The following CXorf38 variants were observed in gnomAD, a reference collection of about 807,000 sequenced individuals.
The protein encoded by CXorf38 is uncharacterized protein CXorf38.
In CXorf38, 13 loss-of-function variants were observed where a neutral mutation model predicts 27.5. That is an observed-to-expected ratio of 0.47 (90% CI 0.31 to 0.75). The LOEUF is 0.75. Ranked by LOEUF, CXorf38 falls within the 30% of genes least tolerant of loss-of-function variation. The probability of loss-of-function intolerance (pLI) is 0.05; values close to 1 mark genes in which losing one functional copy is unlikely to be tolerated. For missense variants in CXorf38, 240 were observed against 253.2 expected (o/e 0.95, Z 0.35); for synonymous variants, 100 against 99.8 (o/e 1.00, Z -0.01).
At chrX:40,634,936 C>T (rs1418277417) in intron 5 of CXorf38, among the ~76,000 whole-genome samples, 1 of 112,152 alleles carries the variant, frequency 8.9e-6, no homozygotes, top group African/African-American at 3.2e-5. Flanking sequence ...GGGTTCAAAA[C>T]GTACAGCTGC....
At chrX:40,645,869 T>C (rs185684958) in intron 2 of CXorf38, among the ~76,000 whole-genome samples, 10 of 107,323 alleles carry the variant, frequency 9.3e-5, no homozygotes, top group Non-Finnish European at 1.7e-4. Context: ...CCTCCCACCT[T>C]GGCCTCCCAA....
At chrX:40,632,953 T>C (rs1435674814) in intron 5 of CXorf38, among the ~76,000 whole-genome samples, 1 of 112,187 alleles carries the variant, frequency 8.9e-6, no homozygotes, top group African/African-American at 3.2e-5. Context: ...GTCTACTACA[T>C]GCTGGTCTAC....
intron 5 of CXorf38, among the ~76,000 whole-genome samples, chrX:40,632,344 G>A (rs1927859483): frequency 8.9e-6 from 1 of 111,958 alleles, no homozygotes. Flanking sequence ...CAGACTCTCA[G>A]GACTGATGTG....
chrX:40,629,220 T>G lies in CXorf38; in HGVS notation c.*944A>C, dbSNP rs1281218781. 9.0e-6 allele frequency: 1 copy of G among 110,831 alleles called. No individual in the cohort carries two copies. Among genetic ancestry groups the G allele is most frequent in the Non-Finnish European group, 1.9e-5 (1 of 52,977 alleles). 9.1% of individuals were successfully genotyped at this position (110,831 alleles called of 1,213,427 possible). A position where few individuals can be genotyped will look rare whatever the true frequency, so the allele number is the denominator to read the frequency against. ...TTGTAGAGATGGGGTCTCGCCATCT[T>G]GCCCAGGTTGGTCTCAAACTCCTGG... On this transcript the variant is annotated 3_prime_UTR_variant, in exon 7 of 7. Coordinates refer to ENST00000327877, the MANE Select transcript of CXorf38 (RefSeq NM_144970.3).
rs752914097 is a variant in CXorf38 at position 40,633,519 on chromosome X, TAGTATCTGTCTCCCAGATACTAAAC to T, written c.802-2771_802-2747del. Among the ~76,000 whole-genome samples, 6 of 111,764 alleles carry T rather than the reference TAGTATCTGTCTCCCAGATACTAAAC, an allele frequency of 5.4e-5. No individual in the cohort carries two copies. The East Asian group carries it at 1.1e-3, about 21-fold the overall frequency. ...TCATTACCTTATTATGTTTACTGTT[TAGTATCTGTCTCCCAGATACTAAAC>T]AGTATCTGTCTGTTTCATTCACTGA... is the stretch of plus-strand genomic sequence containing the variant. On this transcript the variant is annotated intron_variant, in intron 5 of 6. Transcript: ENST00000327877.
At chrX:40,632,415 A>C (rs1403262023) in intron 5 of CXorf38, among the ~76,000 whole-genome samples, 2 of 111,498 alleles carry the variant, frequency 1.8e-5, no homozygotes, top group East Asian at 5.6e-4. Flanking sequence ...TCCACCCCAA[A>C]TTGCCTTTCT....
rs1927615691 is a variant in CXorf38, at chrX:40,628,140, C to T, written c.*2024G>A. 1 of 111,788 alleles carries T rather than the reference C, an allele frequency of 8.9e-6. No individual in the cohort carries two copies. Among genetic ancestry groups the T allele is most frequent in the African/African-American group, 3.3e-5 (1 of 30,695 alleles). The allele number at this position is 111,788 out of a possible 1,213,427, so 9.2% of individuals were successfully genotyped here. The stretch of plus-strand genomic sequence containing the variant: ...CTGTTGAAGTTTTCTCAAGGAATTT[C>T]ATGAAATAAAGGGAGAAAGAAAATG... On this transcript the variant is annotated 3_prime_UTR_variant, in exon 7 of 7. Coordinates refer to ENST00000327877, the MANE Select transcript of CXorf38 (RefSeq NM_144970.3).
At chrX:40,642,769 A>T (rs1490028957) in intron 2 of CXorf38, among the ~76,000 whole-genome samples, 1 of 110,428 alleles carries the variant, frequency 9.1e-6, no homozygotes, top group East Asian at 2.8e-4. Context: ...ATCAAGGGAC[A>T]TTTTTTTCTC....
Position 40,647,404 on chromosome X carries a change from C to G in CXorf38, c.117G>C (p.Glu39Asp). 1 of 1,187,804 alleles carries G rather than the reference C, an allele frequency of 8.4e-7. No homozygotes were observed. The highest frequency in any genetic ancestry group is 1.1e-6 in the Non-Finnish European group (1 of 887,494). ...GTAGGCCGCGGTGGAAGGAGAGCAC[C>G]TCGCGGCCGACGAAACCCTGCAGGC... ...RSCLQGFVGR[E>D]VLSFHRGLLA... The change falls in exon 1 of 7, where the codon GAG becomes GAC. Residue 39 changes from glutamate (E) to aspartate (D), a missense_variant. Physicochemically the swap from Glu to Asp is conservative, Grantham distance 45 (BLOSUM62 2). Transcript: ENST00000327877.
intron 3 of CXorf38, among the ~76,000 whole-genome samples, chrX:40,638,725 G>A (rs763416048): frequency 1.8e-5 from 2 of 112,076 alleles, no homozygotes; most frequent in Non-Finnish European, 3.8e-5. Flanking sequence ...AGTGGCAAAC[G>A]GCACAATGAG....
chrX:40,634,755 G>A (rs9969949), intron 5 of CXorf38, among the ~76,000 whole-genome samples: 1 of 111,443 alleles, frequency 9.0e-6, no homozygotes, highest in African/African-American at 3.3e-5. Context: ...ACTTTTTTGA[G>A]GTAACATGCC....
intron 5 of CXorf38, among the ~76,000 whole-genome samples, chrX:40,633,486 G>A (rs1927920172): frequency 9.0e-6 from 1 of 110,672 alleles, no homozygotes; most frequent in African/African-American, 3.3e-5. Context: ...TCCTTCTACT[G>A]CCCCACATCA....
At chrX:40,638,886 C>T (rs756135549) in intron 3 of CXorf38, 123 bp downstream of exon 3, 37 of 805,889 alleles carry the variant, frequency 4.6e-5, no homozygotes, top group African/African-American at 8.4e-5. Flanking sequence ...ACCACTGTTC[C>T]GGGGAGCTAC....
rs1248789090 is a variant in CXorf38, at chrX:40,629,004, G to GT, written c.*1159dup. On this transcript the variant is annotated 3_prime_UTR_variant, in exon 7 of 7. Coordinates refer to ENST00000327877, the MANE Select transcript of CXorf38 (RefSeq NM_144970.3). Reference sequence around the variant, plus strand: ...TGCCTTAGGCTACTCCAACCTAGTAGTAACAGTTTTTGGGGTTTTTTTTTT... The same window carrying GT: ...TGCCTTAGGCTACTCCAACCTAGTAGTTAACAGTTTTTGGGGTTTTTTTTTT... The GT allele has an allele frequency of 9.4e-6, 1 of 106,676 alleles. No homozygotes were observed. The highest frequency in any genetic ancestry group is 3.5e-5 in the African/African-American group (1 of 28,529). 8.8% of individuals were successfully genotyped at this position (106,676 alleles called of 1,213,427 possible).
chrX:40,640,649 G>A (rs1421322529), intron 2 of CXorf38, among the ~76,000 whole-genome samples: 1 of 111,186 alleles, frequency 9.0e-6, no homozygotes, highest in Admixed American at 9.5e-5. Flanking sequence ...CCGACCCTCT[G>A]AAAGAAGTCT....
At chrX:40,633,196 G>A (rs1252797150) in intron 5 of CXorf38, among the ~76,000 whole-genome samples, 1 of 110,490 alleles carries the variant, frequency 9.1e-6, no homozygotes, top group Admixed American at 9.6e-5. Flanking sequence ...GTACCCCGTA[G>A]TACCCTCACC....
At chrX:40,640,677 C>A in intron 2 of CXorf38, among the ~76,000 whole-genome samples, 1 of 111,380 alleles carries the variant, frequency 9.0e-6, no homozygotes, top group East Asian at 2.8e-4. Flanking sequence ...GCCGGGCGCA[C>A]ACCTATAATC....
At chrX:40,634,710 C>A (rs372749148) in intron 5 of CXorf38, among the ~76,000 whole-genome samples, 2 of 111,888 alleles carry the variant, frequency 1.8e-5, no homozygotes, top group African/African-American at 6.5e-5. Context: ...TTTCTGAAGA[C>A]GTCAAATTTC....
Position 40,628,601 on chromosome X carries a change from A to C in CXorf38, c.*1563T>G, listed in dbSNP as rs964200749. The C allele has an allele frequency of 1.8e-5, 2 of 112,487 alleles. No individual in the cohort carries two copies. Among genetic ancestry groups the C allele is most frequent in the Non-Finnish European group, 3.8e-5 (2 of 53,301 alleles). The allele number at this position is 112,487 out of a possible 1,213,427, so 9.3% of individuals were successfully genotyped here. A position where few individuals can be genotyped will look rare whatever the true frequency, so the allele number is the denominator to read the frequency against. On this transcript the variant is annotated 3_prime_UTR_variant, in exon 7 of 7. Transcript: ENST00000327877. The stretch of plus-strand genomic sequence containing the variant: ...ACTTTAGGGGTAAAAGGTATAGAAG[A>C]AGCATGAACGAATGTGTGAATTTGT...
Sources: allele counts gnomAD v4.1 joint callset (sites outside exome capture counted in the v4.1 genomes callset), GRCh38; gene constraint gnomAD v4.1.1; transcripts MANE v1.5; gene names NCBI Gene and HGNC (gene_info 2026-07-23, HGNC 2026-07-21).